MYO9A: variants seen among roughly 807,000 people sequenced by gnomAD.
MYO9A encodes the protein unconventional myosin-IXa.
MYO9A carries 103 observed loss-of-function variants against 293.3 expected under a neutral mutation model. The ratio of observed to expected loss-of-function variants is 0.35; its 90% confidence interval spans 0.30 to 0.41. MYO9A has a LOEUF of 0.41. Among genes scored for constraint, MYO9A ranks in the 10% least tolerant of loss-of-function variants. The probability of loss-of-function intolerance (pLI) is 1.00; values close to 1 mark genes in which losing one functional copy is unlikely to be tolerated. For missense variants in MYO9A, 2,685 were observed against 3,033.0 expected (o/e 0.89, Z 2.69); for synonymous variants, 1,001 against 1,035.7 (o/e 0.97, Z 0.64).
intron 1 of MYO9A, among the ~76,000 whole-genome samples, chr15:72,110,223 G>C (rs548736928): frequency 2.4e-4 from 36 of 151,918 alleles, no homozygotes; most frequent in Non-Finnish European, 5.0e-4. Flanking sequence ...ATTACCTGAG[G>C]TCAGCAGTTG....
chr15:71,830,205 G>A lies in MYO9A; in HGVS notation c.6944C>T (p.Ala2315Val), dbSNP rs2054662838. The change falls in exon 40 of 42, where the codon GCA becomes GTA. Residue 2315 changes from alanine to valine, a missense_variant. Coordinates refer to ENST00000356056, the MANE Select transcript of MYO9A (RefSeq NM_006901.4). ...TTCTGTGATGTCAGTCTCCATGGCT[G>A]CCTCACTAGTCAAGGTCTCCTCTGA... The part of the protein sequence containing the change: ...DVSEETLTSE[A>V]AMETDITEQQ... The A allele has an allele frequency of 1.2e-6, 2 of 1,613,942 alleles. No individual in the cohort carries two copies. Among genetic ancestry groups the A allele is most frequent in the African/African-American group, 1.3e-5 (1 of 74,908 alleles).
chr15:72,079,864 T>C (rs762217503), intron 1 of MYO9A, among the ~76,000 whole-genome samples: 1 of 152,196 alleles, frequency 6.6e-6, no homozygotes, highest in African/African-American at 2.4e-5. Flanking sequence ...TAAACTAACA[T>C]TGGAGACAGA....
intron 1 of MYO9A, among the ~76,000 whole-genome samples, chr15:72,115,100 A>G (rs2080923116): frequency 6.6e-6 from 1 of 152,254 alleles, no homozygotes; most frequent in African/African-American, 2.4e-5. Flanking sequence ...AAAAATTCAT[A>G]TATTAGATAG....
chr15:71,896,662 C>T (rs2057337509), intron 25 of MYO9A, among the ~76,000 whole-genome samples: 2 of 151,880 alleles, frequency 1.3e-5, no homozygotes, highest in Admixed American at 6.6e-5. Flanking sequence ...CACCTATAGT[C>T]CCAGCTACTC....
chr15:72,034,947 T>C (rs1289222107), intron 2 of MYO9A, among the ~76,000 whole-genome samples: 3 of 152,144 alleles, frequency 2.0e-5, no homozygotes, highest in African/African-American at 7.2e-5. Context: ...TTTTGAGAGG[T>C]AGGCTTGCAA....
intron 11 of MYO9A, among the ~76,000 whole-genome samples, chr15:71,984,051 T>C (rs953495108): frequency 5.3e-5 from 8 of 152,234 alleles, no homozygotes; most frequent in Non-Finnish European, 7.3e-5. Context: ...TGACTTACGA[T>C]GATTCAACTT....
chr15:71,955,505 G>C (rs1399775976), intron 14 of MYO9A, among the ~76,000 whole-genome samples: 1 of 152,126 alleles, frequency 6.6e-6, no homozygotes, highest in Non-Finnish European at 1.5e-5. Flanking sequence ...AGGATTTTTT[G>C]TGACTCATTC....
intron 29 of MYO9A, 25 bp from the exon 30 acceptor site, chr15:71,879,862 G>A (rs1226128989): frequency 2.1e-6 from 3 of 1,441,350 alleles, no homozygotes; most frequent in Admixed American, 3.4e-5. Context: ...ACGAGTTTTA[G>A]TACACAATCA....
At chr15:72,050,093 T>C (rs1000628806) in intron 1 of MYO9A, among the ~76,000 whole-genome samples, 6 of 152,198 alleles carry the variant, frequency 3.9e-5, no homozygotes, top group Non-Finnish European at 1.5e-5. Context: ...TTTTGAGTCC[T>C]AGTTTTGTCA....
chr15:72,010,255 T>C (rs1042717497), intron 7 of MYO9A, 95 bp downstream of exon 7: 2 of 964,042 alleles, frequency 2.1e-6, no homozygotes, highest in Admixed American at 4.1e-5. Context: ...GAATACCACT[T>C]AGAAAACTAT....
intron 35 of MYO9A, 38 bp downstream of exon 35, chr15:71,854,338 TA>T (rs1253165175): frequency 7.5e-7 from 1 of 1,341,866 alleles, no homozygotes; most frequent in Admixed American, 2.8e-5. Flanking sequence ...ACTATTTAAA[TA>T]AAAGTATTTC....
At chr15:72,067,608 C>T (rs781542155) in intron 1 of MYO9A, among the ~76,000 whole-genome samples, 5 of 152,172 alleles carry the variant, frequency 3.3e-5, no homozygotes, top group South Asian at 2.1e-4. Context: ...AAATATTACA[C>T]TATTTAAACA....
At chr15:71,851,472 T>C (rs1395095464) in intron 36 of MYO9A, 114 bp from the exon 37 acceptor site, 5 of 708,782 alleles carry the variant, frequency 7.1e-6, no homozygotes, top group Non-Finnish European at 1.1e-5. Context: ...GGAGTAGTTG[T>C]ACCTGTAGGG....
Position 71,933,548 on chromosome 15 carries a change from G to A in MYO9A, c.2562+122C>T, listed in dbSNP as rs370044615. On this transcript the variant is annotated intron_variant, in intron 18 of 41. Coordinates refer to ENST00000356056, the MANE Select transcript of MYO9A (RefSeq NM_006901.4). The stretch of plus-strand genomic sequence containing the variant: ...CTAAAATGGATTCAACTAAGTGCAC[G>A]ATCACTATCTTGGATACAAATAAGG... 2,558 of 900,450 alleles carry A rather than the reference G, an allele frequency of 2.8e-3. 8 individuals carry two copies. The highest frequency in any genetic ancestry group is 3.6e-3 in the Non-Finnish European group (2,021 of 567,676). The allele number at this position is 900,450 out of a possible 1,614,324, so 55.8% of individuals were successfully genotyped here. A position where few individuals can be genotyped will look rare whatever the true frequency, so the allele number is the denominator to read the frequency against.
At chr15:71,863,459 CAA>C (rs567658197) in intron 32 of MYO9A, among the ~76,000 whole-genome samples, 5 of 146,530 alleles carry the variant, frequency 3.4e-5, no homozygotes, top group Admixed American at 3.4e-4. Flanking sequence ...ATCTTTAAAG[CAA>C]AAAAAAATAG....
intron 20 of MYO9A, 89 bp downstream of exon 20, chr15:71,904,837 C>T (rs2057584344): frequency 3.6e-6 from 3 of 828,390 alleles, no homozygotes; most frequent in East Asian, 5.3e-5. Context: ...ATAGTTAGTG[C>T]TTCCCCTCCA....
intron 28 of MYO9A, among the ~76,000 whole-genome samples, chr15:71,881,942 T>G (rs2056884338): frequency 6.6e-6 from 1 of 152,182 alleles, no homozygotes; most frequent in Admixed American, 6.6e-5. Context: ...AAACCTGTAG[T>G]ATTCATTTAA....
intron 12 of MYO9A, among the ~76,000 whole-genome samples, chr15:71,977,833 C>A (rs1302335770): frequency 6.6e-6 from 1 of 152,066 alleles, no homozygotes; most frequent in African/African-American, 2.4e-5. Flanking sequence ...GTCAGGCGAT[C>A]GAGACCATCC....
intron 32 of MYO9A, among the ~76,000 whole-genome samples, chr15:71,866,089 C>G (rs1003704676): frequency 1.3e-5 from 2 of 152,122 alleles, no homozygotes; most frequent in Admixed American, 6.5e-5. Flanking sequence ...CAGGCACTGC[C>G]TTGATTCACG....
Sources: allele counts gnomAD v4.1 joint callset (sites outside exome capture counted in the v4.1 genomes callset), GRCh38; gene constraint gnomAD v4.1.1; transcripts MANE v1.5; gene names NCBI Gene and HGNC (gene_info 2026-07-23, HGNC 2026-07-21).